Variants in TMPRSS11A observed in about 807,000 individuals in gnomAD.
TMPRSS11A encodes the protein transmembrane serine protease 11A, also known as transmembrane protease serine 11A.
A neutral mutation model predicts 58.9 loss-of-function variants in TMPRSS11A; 53 were observed. The observed-to-expected ratio is 0.90, with a 90% CI of 0.72 to 1.13. TMPRSS11A has a LOEUF of 1.13. Ranked by LOEUF, TMPRSS11A falls within the 50% of genes most tolerant of loss-of-function variation. TMPRSS11A has a pLI of 0.00. For synonymous variants in TMPRSS11A, 167 were observed against 169.8 expected (o/e 0.98, Z 0.13); for missense variants, 493 against 499.3 (o/e 0.99, Z 0.12).
At chr4:67,912,013 T>C (rs747560941) in intron 9 of TMPRSS11A, among the ~76,000 whole-genome samples, 4 of 152,210 alleles carry the variant, frequency 2.6e-5, no homozygotes, top group Admixed American at 6.5e-5. Context: ...CTATTTTTGG[T>C]TAAATTAACA....
At chr4:67,944,703 T>A (rs28437478) in intron 2 of TMPRSS11A, 66 bp from the exon 3 acceptor site, 283,206 of 1,375,038 alleles carry the variant, frequency 0.21, 34,712 homozygotes, top group African/African-American at 0.51. Context: ...TCAATTACAA[T>A]GGGGCCAATA....
intron 5 of TMPRSS11A, 87 bp downstream of exon 5, chr4:67,929,793 A>G: frequency 8.3e-7 from 1 of 1,205,446 alleles, no homozygotes; most frequent in East Asian, 2.4e-5. Flanking sequence ...ATTATTTGAA[A>G]TGGAAATAAT....
At position 67,929,962 on chromosome 4, in the gene TMPRSS11A, C is replaced by T; in HGVS notation, c.399G>A (p.Glu133=). 1 of 1,613,916 alleles carries T rather than the reference C, an allele frequency of 6.2e-7. No homozygotes were observed. The highest frequency in any genetic ancestry group is 8.5e-7 in the Non-Finnish European group (1 of 1,179,836). Residue 133 remains glutamate (E), a synonymous_variant, in exon 5 of 10, where the codon GAG becomes GAA. Transcript: ENST00000508048. ...FPSTEQRAVR[E]KKIQSILNQK... ...GATTTAAGATGCTTTGGATTTTCTTCTCTCTTACTGCCCTTTGTTCAGTAG... is the reference window on the plus strand; with the variant it reads ...GATTTAAGATGCTTTGGATTTTCTTTTCTCTTACTGCCCTTTGTTCAGTAG...
At chr4:67,923,021 A>C (rs367726985) in intron 6 of TMPRSS11A, 95 bp from the exon 7 acceptor site, 4 of 1,180,840 alleles carry the variant, frequency 3.4e-6, no homozygotes, top group East Asian at 4.9e-5. Context: ...TTCGTATACT[A>C]CTCCTCCTGC....
At position 67,948,664 on chromosome 4, in the gene TMPRSS11A, G is replaced by A. The variant is rs367627401; in HGVS notation, c.12-2093C>T. ...TAATCTAGAGAACTGGCTGCGGAAA[G>A]GCAGCAGGTCCTGTGATAGAAACAA... On this transcript the variant is annotated intron_variant, in intron 1 of 9. Transcript: ENST00000508048. 4.9e-4 allele frequency among the ~76,000 whole-genome samples: 74 copies of A among 152,320 alleles called. 1 individual carries two copies. The South Asian group carries it at 0.013, about 26-fold the overall frequency.
intron 1 of TMPRSS11A, among the ~76,000 whole-genome samples, chr4:67,956,558 C>G (rs530672674): frequency 2.6e-5 from 4 of 152,240 alleles, no homozygotes; most frequent in Non-Finnish European, 5.9e-5. Flanking sequence ...GCAACATTTT[C>G]CCCCTATAAA....
rs574508074 is a variant in TMPRSS11A, at chr4:67,925,664, A to T, written c.482-1498T>A. 3.3e-5 allele frequency among the ~76,000 whole-genome samples: 5 copies of T among 152,348 alleles called. No homozygotes were observed. In the East Asian group the frequency reaches 9.7e-4, roughly 29 times the overall value. On this transcript the variant is annotated intron_variant, in intron 5 of 9. Transcript: ENST00000508048. Reference sequence around the variant, plus strand: ...AGTGGTTATTCTATGGAAGGAACTCAGTTTACCGTCAAATGTAGTTTAAGG... The same window carrying T: ...AGTGGTTATTCTATGGAAGGAACTCTGTTTACCGTCAAATGTAGTTTAAGG...
chr4:67,918,328 G>A (rs1246326056), intron 8 of TMPRSS11A, among the ~76,000 whole-genome samples: 2 of 152,150 alleles, frequency 1.3e-5, no homozygotes, highest in Non-Finnish European at 2.9e-5. Context: ...GACTAAGTTA[G>A]TATATCAAGT....
chr4:67,950,519 C>A (rs1721130841), intron 1 of TMPRSS11A, among the ~76,000 whole-genome samples: 2 of 152,190 alleles, frequency 1.3e-5, no homozygotes, highest in Admixed American at 1.3e-4. Context: ...GATTCGGGAA[C>A]TTTATTACAT....
Position 67,914,640 on chromosome 4 carries a change from T to A in TMPRSS11A, c.1043A>T (p.Lys348Ile). The A allele has an allele frequency of 6.2e-7, 1 of 1,613,816 alleles. No individual in the cohort carries two copies. Among genetic ancestry groups the A allele is most frequent in the Non-Finnish European group, 8.5e-7 (1 of 1,179,814 alleles). ...ATATCCGGCACAGAACATTCCAGGT[T>A]TTATATCATTGCCATACACCTGTGG... ...KQPQVYGNDI[K>I]PGMFCAGYME... The change falls in exon 9 of 10, where the codon AAA becomes ATA. Residue 348 changes from lysine (K) to isoleucine (I), a missense_variant. Physicochemically the swap from Lys to Ile is moderately radical, Grantham distance 102 (BLOSUM62 -3). Coordinates refer to ENST00000508048, the MANE Select transcript of TMPRSS11A (RefSeq NM_001114387.2).
chr4:67,915,158 T>C (rs1418005536), intron 8 of TMPRSS11A, among the ~76,000 whole-genome samples: 1 of 151,954 alleles, frequency 6.6e-6, no homozygotes, highest in East Asian at 1.9e-4. Context: ...AAGTTTATGA[T>C]GAGCTTTCAC....
At chr4:67,932,405 C>A (rs904167244) in intron 3 of TMPRSS11A, among the ~76,000 whole-genome samples, 2 of 152,100 alleles carry the variant, frequency 1.3e-5, no homozygotes, top group African/African-American at 4.8e-5. Context: ...CAGAGAGATA[C>A]AGAGCAGAGA....
At chr4:67,957,005 G>A (rs1721307667) in intron 1 of TMPRSS11A, among the ~76,000 whole-genome samples, 1 of 152,142 alleles carries the variant, frequency 6.6e-6, no homozygotes, top group Admixed American at 6.5e-5. Context: ...ATGAGGGGGA[G>A]TTTCCCTGCA....
chr4:67,910,375 G>A lies in TMPRSS11A; in HGVS notation c.*967C>T, dbSNP rs1719932081. ...TTATAAGCTATTTGGCTGTAGCAAT[G>A]CGAGGGCATAAAATTTTTCTTGCTA... is the stretch of plus-strand genomic sequence containing the variant. On this transcript the variant is annotated 3_prime_UTR_variant, in exon 10 of 10. Coordinates refer to ENST00000508048, the MANE Select transcript of TMPRSS11A (RefSeq NM_001114387.2). 6.6e-6 allele frequency: 1 copy of A among 152,056 alleles called. No homozygotes were observed. The highest frequency in any genetic ancestry group is 1.5e-5 in the Non-Finnish European group (1 of 67,920). The allele number at this position is 152,056 out of a possible 1,614,324, so 9.4% of individuals were successfully genotyped here. A position where few individuals can be genotyped will look rare whatever the true frequency, so the allele number is the denominator to read the frequency against.
At chr4:67,954,081 T>C (rs1387339368) in intron 1 of TMPRSS11A, among the ~76,000 whole-genome samples, 3 of 152,086 alleles carry the variant, frequency 2.0e-5, no homozygotes, top group Non-Finnish European at 4.4e-5. Flanking sequence ...TGAGCTGAGT[T>C]CAAGGAACTC....
chr4:67,932,264 T>C (rs10518046), intron 3 of TMPRSS11A, among the ~76,000 whole-genome samples: 12,331 of 152,176 alleles, frequency 0.081, 668 homozygotes, highest in African/African-American at 0.16. Context: ...TCTCCAAGAA[T>C]TTTGGTTTCG....
chr4:67,962,147 A>ATTT (rs1393258354), intron 1 of TMPRSS11A, among the ~76,000 whole-genome samples: 1 of 152,098 alleles, frequency 6.6e-6, no homozygotes, highest in Non-Finnish European at 1.5e-5. Context: ...AATGCTAGAT[A>ATTT]TTTACATCTG....
chr4:67,931,844 A>G lies in TMPRSS11A; in HGVS notation c.320+149T>C, dbSNP rs150589169. 2.1e-4 allele frequency: 117 copies of G among 552,948 alleles called. No homozygotes were observed. In the East Asian group the frequency reaches 2.6e-3, roughly 13 times the overall value. 34.3% of individuals were successfully genotyped at this position (552,948 alleles called of 1,614,324 possible). A position where few individuals can be genotyped will look rare whatever the true frequency, so the allele number is the denominator to read the frequency against. On this transcript the variant is annotated intron_variant, in intron 4 of 9. Coordinates refer to ENST00000508048, the MANE Select transcript of TMPRSS11A (RefSeq NM_001114387.2). ...TGTTGACAAAACGGTGGTCAGCCCTATACTTCAAGACTGCTTTAAAGGTAA... is the reference window on the plus strand; with the variant it reads ...TGTTGACAAAACGGTGGTCAGCCCTGTACTTCAAGACTGCTTTAAAGGTAA...
At chr4:67,931,386 G>A (rs570012452) in intron 4 of TMPRSS11A, among the ~76,000 whole-genome samples, 1 of 152,028 alleles carries the variant, frequency 6.6e-6, no homozygotes, top group Admixed American at 6.6e-5. Context: ...CAGGCTCATG[G>A]ATTTGTGTAT....
Sources: gnomAD v4.1 joint callset for allele counts (sites outside exome capture counted in the v4.1 genomes callset) on GRCh38, gnomAD v4.1.1 for gene constraint, MANE v1.5 for transcripts, NCBI Gene and HGNC (gene_info 2026-07-23, HGNC 2026-07-21) for gene names.